The following TRIP12 variants were observed in gnomAD, a reference collection of about 807,000 sequenced individuals.
The protein encoded by TRIP12 is E3 ubiquitin-protein ligase TRIP12.
TRIP12 carries 25 observed loss-of-function variants against 244.2 expected under a neutral mutation model. That is an observed-to-expected ratio of 0.10 (90% CI 0.07 to 0.14). TRIP12 has a LOEUF of 0.14. TRIP12 is among the 10% of genes least tolerant of loss of function. The pLI, the probability that TRIP12 is intolerant of heterozygous loss-of-function variation, is 1.00. For missense variants in TRIP12, 1,677 were observed against 2,486.4 expected (o/e 0.67, Z 6.92); for synonymous variants, 905 against 873.1 (o/e 1.04, Z -0.64).
intron 13 of TRIP12, among the ~76,000 whole-genome samples, chr2:229,813,654 C>T (rs2047804202): frequency 6.6e-6 from 1 of 152,014 alleles, no homozygotes. Flanking sequence ...TGTGGTGGCA[C>T]ACGCCTGTAA....
At chr2:229,852,561 G>A (rs866195921) in intron 4 of TRIP12, among the ~76,000 whole-genome samples, 1 of 152,128 alleles carries the variant, frequency 6.6e-6, no homozygotes, top group Non-Finnish European at 1.5e-5. Context: ...GGCTAAACAA[G>A]AGACAGCTAT....
intron 34 of TRIP12, among the ~76,000 whole-genome samples, chr2:229,781,366 G>A (rs935602130): frequency 1.7e-4 from 26 of 152,192 alleles, no homozygotes; most frequent in African/African-American, 6.0e-4. Flanking sequence ...ACACATACTG[G>A]CACTTATTAT....
chr2:229,849,252 A>G (rs1188006135), intron 4 of TRIP12, among the ~76,000 whole-genome samples: 2 of 152,234 alleles, frequency 1.3e-5, no homozygotes, highest in Admixed American at 1.3e-4. Flanking sequence ...AATGTGTGAG[A>G]AAGGAAATGT....
chr2:229,830,799 A>G lies in TRIP12; in HGVS notation c.1311T>C (p.Ser437=), dbSNP rs754819128. Residue 437 remains serine (S), a synonymous_variant, in exon 7 of 42, where the codon TCT becomes TCC. Transcript: ENST00000675903. Reference sequence around the variant, plus strand: ...CGGAATCATCTGATTCACTCTCCCCAGAGGTGGTCATGCCAACAGCCCCTG... The same window carrying G: ...CGGAATCATCTGATTCACTCTCCCCGGAGGTGGTCATGCCAACAGCCCCTG... ...SVAGAVGMTT[S]GESESDDSEM... is the part of the protein sequence containing the mutation. 1.2e-5 allele frequency: 19 copies of G among 1,614,158 alleles called. No homozygotes were observed. The South Asian group carries it at 1.8e-4, about 15-fold the overall frequency.
chr2:229,850,944 T>C (rs1215433330), intron 4 of TRIP12, among the ~76,000 whole-genome samples: 1 of 152,246 alleles, frequency 6.6e-6, no homozygotes, highest in African/African-American at 2.4e-5. Context: ...GGGCCTTAGC[T>C]GCCTTCCCGC....
chr2:229,822,369 G>C (rs1018955156), intron 8 of TRIP12, among the ~76,000 whole-genome samples: 1 of 152,156 alleles, frequency 6.6e-6, no homozygotes, highest in African/African-American at 2.4e-5. Context: ...GCCACATTTT[G>C]AGACTGCTCA....
At chr2:229,801,412 C>G (rs1161025517) in intron 21 of TRIP12, among the ~76,000 whole-genome samples, 1 of 151,808 alleles carries the variant, frequency 6.6e-6, no homozygotes, top group Non-Finnish European at 1.5e-5. Context: ...CAAGACAATG[C>G]TACCCTGCAG....
intron 6 of TRIP12, among the ~76,000 whole-genome samples, chr2:229,834,558 G>C (rs545749745): frequency 2.4e-4 from 37 of 152,292 alleles, no homozygotes; most frequent in Middle Eastern, 3.4e-3. Flanking sequence ...TCAGGAGTTG[G>C]ACAGCAGCCC....
intron 1 of TRIP12, among the ~76,000 whole-genome samples, chr2:229,905,229 G>A (rs949174066): frequency 6.6e-5 from 10 of 150,680 alleles, no homozygotes; most frequent in East Asian, 3.9e-4. Context: ...AGCCGAGATC[G>A]CGCCATTGCA....
chr2:229,789,791 TG>T, intron 30 of TRIP12, 29 bp from the exon 31 acceptor site: 1 of 1,611,662 alleles, frequency 6.2e-7, no homozygotes, highest in Non-Finnish European at 8.5e-7. Flanking sequence ...AAGTAAGTTT[TG>T]ATCAAAGTTA....
chr2:229,831,084 C>A (rs1184987073), intron 6 of TRIP12: 1 of 704,132 alleles, frequency 1.4e-6, no homozygotes, highest in Admixed American at 2.2e-5. Context: ...TTATATGTGG[C>A]TTTTGACAAA....
intron 1 of TRIP12, among the ~76,000 whole-genome samples, chr2:229,903,273 G>A (rs1182011372): frequency 1.3e-5 from 2 of 152,050 alleles, no homozygotes; most frequent in Non-Finnish European, 2.9e-5. Context: ...CCTGGCCCTT[G>A]CTGGAACCAC....
At chr2:229,864,344 C>T (rs1347582284) in intron 2 of TRIP12, among the ~76,000 whole-genome samples, 1 of 152,078 alleles carries the variant, frequency 6.6e-6, no homozygotes, top group East Asian at 1.9e-4. Context: ...GTATTTTCTC[C>T]TTTTAAGTGT....
chr2:229,864,004 A>AAGAG (rs1163408528), intron 2 of TRIP12, among the ~76,000 whole-genome samples: 1,030 of 80,112 alleles, frequency 0.013, 8 homozygotes, highest in Non-Finnish European at 0.019. Flanking sequence ...ATTTGGGTGA[A>AAGAG]AGAGAGAGAG....
At chr2:229,893,064 G>C (rs1233012253) in intron 1 of TRIP12, among the ~76,000 whole-genome samples, 3 of 152,064 alleles carry the variant, frequency 2.0e-5, no homozygotes, top group Non-Finnish European at 4.4e-5. Context: ...CCTGCATGCA[G>C]ATTATAAAAT....
At chr2:229,785,419 T>C (rs1026938370) in intron 34 of TRIP12, among the ~76,000 whole-genome samples, 3 of 152,178 alleles carry the variant, frequency 2.0e-5, no homozygotes, top group African/African-American at 7.2e-5. Context: ...AAAACTACAT[T>C]TTTGAAGTAT....
intron 4 of TRIP12, among the ~76,000 whole-genome samples, chr2:229,858,025 A>G (rs1182874005): frequency 6.6e-6 from 1 of 152,224 alleles, no homozygotes; most frequent in African/African-American, 2.4e-5. Context: ...ATTTATAGTA[A>G]TAACTTAATT....
At chr2:229,787,789 AT>A in intron 32 of TRIP12, 128 bp from the exon 33 acceptor site, 1 of 917,328 alleles carries the variant, frequency 1.1e-6, no homozygotes, top group African/African-American at 1.7e-5. Flanking sequence ...ATCAGTAAAA[AT>A]TGTTTAGGTC....
chr2:229,799,454 A>C, intron 21 of TRIP12, 71 bp from the exon 22 acceptor site: 1 of 1,404,488 alleles, frequency 7.1e-7, no homozygotes, highest in Non-Finnish European at 1.0e-6. Context: ...CTGAAAAAGC[A>C]AACTAAAATG....
Sources: allele counts gnomAD v4.1 joint callset (sites outside exome capture counted in the v4.1 genomes callset), GRCh38; gene constraint gnomAD v4.1.1; transcripts MANE v1.5; gene names NCBI Gene and HGNC (gene_info 2026-07-23, HGNC 2026-07-21).